Variants in TACC2 observed in about 807,000 individuals in gnomAD.
The protein encoded by TACC2 is transforming acidic coiled-coil containing protein 2.
Under a neutral mutation model 227.3 loss-of-function variants are expected in TACC2, and 137 were observed. The observed-to-expected ratio is 0.60, with a 90% CI of 0.52 to 0.69. The LOEUF (loss-of-function observed/expected upper bound fraction) is 0.69. Ranked by LOEUF, TACC2 falls within the 30% of genes least tolerant of loss-of-function variation. The pLI is 0.00. For missense variants in TACC2, 3,470 were observed against 3,694.4 expected, an observed-to-expected ratio of 0.94 and a Z score of 1.57; for synonymous variants, 1,523 against 1,487.5, an observed-to-expected ratio of 1.02 and a Z score of -0.55.
chr10:122,044,168 A>G (rs1039657055), intron 2 of TACC2, among the ~76,000 whole-genome samples: 18 of 152,224 alleles, frequency 1.2e-4, no homozygotes, highest in African/African-American at 2.9e-4. Flanking sequence ...CTTCTGCTCT[A>G]TCGTGCTGTA....
At chr10:122,049,299 G>A (rs1194501792) in intron 2 of TACC2, among the ~76,000 whole-genome samples, 1 of 152,198 alleles carries the variant, frequency 6.6e-6, no homozygotes, top group Non-Finnish European at 1.5e-5. Context: ...TGCGAGCTCT[G>A]CCATCTCTTT....
intron 12 of TACC2, 81 bp from the exon 13 acceptor site, chr10:122,226,285 T>A (rs781372544): frequency 1.2e-4 from 111 of 909,816 alleles, no homozygotes; most frequent in Admixed American, 4.1e-4. Context: ...TGTTCTCTGT[T>A]GAAGAGTGCT....
intron 8 of TACC2, among the ~76,000 whole-genome samples, chr10:122,200,362 C>T (rs2094744390): frequency 3.9e-5 from 6 of 152,198 alleles, no homozygotes; most frequent in Admixed American, 3.9e-4. Flanking sequence ...ATGGCGACCT[C>T]ACCTGCCCAC....
At chr10:122,053,074 A>G (rs143851912) in intron 3 of TACC2, among the ~76,000 whole-genome samples, 2 of 152,194 alleles carry the variant, frequency 1.3e-5, no homozygotes, top group African/African-American at 4.8e-5. Context: ...CTTACCTGCC[A>G]GGCTGGTGGG....
chr10:122,037,245 G>A (rs1035006528), intron 2 of TACC2, among the ~76,000 whole-genome samples: 1 of 152,248 alleles, frequency 6.6e-6, no homozygotes, highest in African/African-American at 2.4e-5. Flanking sequence ...GCAAATTATG[G>A]TGAGCTGTGC....
chr10:122,226,340 C>A, intron 12 of TACC2, 26 bp from the exon 13 acceptor site: 2 of 1,549,526 alleles, frequency 1.3e-6, no homozygotes, highest in Non-Finnish European at 1.8e-6. Context: ...TGTACCCAAG[C>A]TGATATGTGA....
chr10:122,166,904 C>T (rs2093198563), intron 7 of TACC2, among the ~76,000 whole-genome samples: 1 of 152,198 alleles, frequency 6.6e-6, no homozygotes, highest in South Asian at 2.1e-4. Context: ...TGGTAGGAGA[C>T]ACAGGAATGG....
At chr10:122,077,134 AG>A (rs2078913202) in intron 3 of TACC2, among the ~76,000 whole-genome samples, 1 of 151,446 alleles carries the variant, frequency 6.6e-6, no homozygotes, top group Admixed American at 6.6e-5. Flanking sequence ...AAAAAAAAAA[AG>A]AATGTTCATA....
At chr10:122,183,024 C>T (rs955806189) in intron 7 of TACC2, among the ~76,000 whole-genome samples, 2 of 151,986 alleles carry the variant, frequency 1.3e-5, no homozygotes, top group African/African-American at 4.8e-5. Context: ...GCCAAGATGG[C>T]GAAACCCCAT....
At chr10:122,056,172 C>A (rs1040789935) in intron 3 of TACC2, among the ~76,000 whole-genome samples, 2 of 152,162 alleles carry the variant, frequency 1.3e-5, no homozygotes, top group African/African-American at 4.8e-5. Flanking sequence ...AGGGGCATTT[C>A]TTTTTCTTTT....
At chr10:122,124,512 C>G (rs575906955) in intron 5 of TACC2, among the ~76,000 whole-genome samples, 1 of 152,220 alleles carries the variant, frequency 6.6e-6, no homozygotes, top group African/African-American at 2.4e-5. Context: ...GGCTCATGGT[C>G]TGAGCGTCTG....
At chr10:122,007,042 A>G (rs948703921) in intron 1 of TACC2, among the ~76,000 whole-genome samples, 5 of 151,834 alleles carry the variant, frequency 3.3e-5, no homozygotes, top group African/African-American at 1.2e-4. Context: ...TTGTATTTTT[A>G]GTAGAGACAG....
chr10:122,053,555 A>T (rs568604845), intron 3 of TACC2, among the ~76,000 whole-genome samples: 1 of 152,030 alleles, frequency 6.6e-6, no homozygotes, highest in South Asian at 2.1e-4. Context: ...GATGCCAGTG[A>T]CCACACTGCC....
intron 2 of TACC2, among the ~76,000 whole-genome samples, chr10:122,044,392 G>C (rs1284591721): frequency 6.6e-6 from 1 of 152,232 alleles, no homozygotes; most frequent in Non-Finnish European, 1.5e-5. Flanking sequence ...AGGGAAGATG[G>C]GCAGCCGGCT....
At chr10:122,009,325 A>G (rs899499865) in intron 1 of TACC2, among the ~76,000 whole-genome samples, 1 of 152,134 alleles carries the variant, frequency 6.6e-6, no homozygotes, top group African/African-American at 2.4e-5. Flanking sequence ...GTTACCACAA[A>G]AGCTAACTTA....
At chr10:122,043,532 TTCTC>T (rs1260369411) in intron 2 of TACC2, among the ~76,000 whole-genome samples, 1 of 67,152 alleles carries the variant, frequency 1.5e-5, no homozygotes, top group East Asian at 3.4e-4. Context: ...TTTTCTTTCT[TTCTC>T]TCTCTCTCTG....
At chr10:122,228,515 G>A (rs906547940) in intron 14 of TACC2, among the ~76,000 whole-genome samples, 3 of 152,312 alleles carry the variant, frequency 2.0e-5, no homozygotes, top group African/African-American at 7.2e-5. Flanking sequence ...CACAGCACAC[G>A]TGTCACATGG....
chr10:122,072,442 T>G (rs1221805510), intron 3 of TACC2, among the ~76,000 whole-genome samples: 3 of 152,216 alleles, frequency 2.0e-5, no homozygotes, highest in Admixed American at 6.5e-5. Flanking sequence ...GCTCCCAGGC[T>G]TCTGTGGGGA....
chr10:122,188,224 G>T lies in TACC2; in HGVS notation c.5835-6816G>T, dbSNP rs540641412. Among the ~76,000 whole-genome samples, 9 of 152,218 alleles carry T rather than the reference G, an allele frequency of 5.9e-5. No homozygotes were observed. The South Asian group carries it at 1.9e-3, about 32-fold the overall frequency. ...CCTCATTTCTGTCTCTTCAGATGTG[G>T]TTCCTTAGCCTCCTTGGGTTTTCAG... On this transcript the variant is annotated intron_variant, in intron 7 of 22. Transcript: ENST00000369005.
Sources: allele counts gnomAD v4.1 joint callset (sites outside exome capture counted in the v4.1 genomes callset), GRCh38; gene constraint gnomAD v4.1.1; transcripts MANE v1.5; gene names NCBI Gene and HGNC (gene_info 2026-07-23, HGNC 2026-07-21).